The following NSFL1C variants were observed in gnomAD, a reference collection of about 807,000 sequenced individuals.
NSFL1C encodes the protein NSFL1 cofactor, also known as NSFL1 cofactor p47.
Under a neutral mutation model 43.1 loss-of-function variants are expected in NSFL1C, and 14 were observed. The ratio of observed to expected loss-of-function variants is 0.32; its 90% CI spans 0.21 to 0.51. NSFL1C has a LOEUF of 0.51. Among genes scored for constraint, NSFL1C ranks in the 20% least tolerant of loss-of-function variants. The pLI, the probability that NSFL1C is intolerant of heterozygous loss-of-function variation, is 0.98. For missense variants in NSFL1C, 406 were observed against 472.5 expected, an observed-to-expected ratio of 0.86 and a Z score of 1.30; for synonymous variants, 171 against 183.5, an observed-to-expected ratio of 0.93 and a Z score of 0.55.
rs186421409 is a variant in NSFL1C, at chr20:1,447,755, A to G, written c.786-1925T>C. Among the ~76,000 whole-genome samples, 259 of 114,414 alleles carry G rather than the reference A, an allele frequency of 2.3e-3. 2 individuals are homozygous for G. In the East Asian group the frequency reaches 0.045, roughly 20 times the overall value. The allele number at this position is 114,414 out of a possible 152,430, so 75.1% of individuals were successfully genotyped here. On this transcript the variant is annotated intron_variant, in intron 7 of 8. Coordinates refer to ENST00000216879, the MANE Select transcript of NSFL1C (RefSeq NM_016143.5). ...AGAAGCTGTTAAGCCAAAATAGCTGATATCAGTTAAGGGGGTGGGGAGCAG... is the reference window on the plus strand; with the variant it reads ...AGAAGCTGTTAAGCCAAAATAGCTGGTATCAGTTAAGGGGGTGGGGAGCAG...
chr20:1,445,880 C>T (rs1261034364), intron 7 of NSFL1C, 50 bp from the exon 8 acceptor site: 1 of 1,587,048 alleles, frequency 6.3e-7, no homozygotes, highest in Non-Finnish European at 8.6e-7. Flanking sequence ...AGGCCCCTAG[C>T]AAGAAGGGAA....
chr20:1,445,979 C>T lies in NSFL1C; in HGVS notation c.786-149G>A, dbSNP rs183185603. ...ATTGACCCAGACAGGGAAAATCGTG[C>T]CCTTATGGAACTTACAGGTCCAGCA... is the stretch of plus-strand genomic sequence containing the variant. On this transcript the variant is annotated intron_variant, in intron 7 of 8. Coordinates refer to ENST00000216879, the MANE Select transcript of NSFL1C (RefSeq NM_016143.5). The T allele has an allele frequency of 1.6e-3, 1,323 of 819,080 alleles. 2 individuals are homozygous for T. Among genetic ancestry groups the T allele is most frequent in the Non-Finnish European group, 2.2e-3 (1,154 of 517,078 alleles). 50.7% of individuals were successfully genotyped at this position (819,080 alleles called of 1,614,324 possible). A position where few individuals can be genotyped will look rare whatever the true frequency, so the allele number is the denominator to read the frequency against.
Position 1,466,717 on chromosome 20 carries a change from T to C in NSFL1C, c.105+3A>G. The C allele has an allele frequency of 6.5e-7, 1 of 1,546,102 alleles. No individual in the cohort carries two copies. The highest frequency in any genetic ancestry group is 8.7e-7 in the Non-Finnish European group (1 of 1,149,810). On this transcript the variant is annotated splice_donor_region_variant and intron_variant, in intron 1 of 8. Transcript: ENST00000216879. ...CCCGACACAGCCCGCCGCGCGGCGCTACCTGCAAGTCCCAGCCGGCCGACT... is the reference window on the plus strand; with the variant it reads ...CCCGACACAGCCCGCCGCGCGGCGCCACCTGCAAGTCCCAGCCGGCCGACT...
chr20:1,459,037 G>A (rs898032860), intron 2 of NSFL1C, among the ~76,000 whole-genome samples: 1 of 152,120 alleles, frequency 6.6e-6, no homozygotes, highest in African/African-American at 2.4e-5. Context: ...CTGTCCTCAA[G>A]GAACAAGCTT....
chr20:1,445,755 G>A lies in NSFL1C; in HGVS notation c.861C>T (p.Ile287=). 6.2e-7 allele frequency: 1 copy of A among 1,614,070 alleles called. No homozygotes were observed. Among genetic ancestry groups the A allele is most frequent in the Non-Finnish European group, 8.5e-7 (1 of 1,179,972 alleles). Residue 287 remains isoleucine, a synonymous_variant, in exon 8 of 9, where the codon ATC becomes ATT. Coordinates refer to ENST00000216879, the MANE Select transcript of NSFL1C (RefSeq NM_016143.5). ...AENEAKASSS[I]LIDESEPTTN... ...TGGTAGGCTCTGATTCGTCGATTAA[G>A]ATGGAAGAGCTGGCTTTGGCTTCAT...
chr20:1,463,049 T>C (rs990887224), intron 2 of NSFL1C, among the ~76,000 whole-genome samples: 2 of 152,202 alleles, frequency 1.3e-5, no homozygotes, highest in African/African-American at 4.8e-5. Flanking sequence ...TTAAGTAACC[T>C]GCCCAAGGTC....
intron 8 of NSFL1C, 54 bp downstream of exon 8, chr20:1,445,612 C>G: frequency 6.3e-7 from 1 of 1,577,448 alleles, no homozygotes; most frequent in Non-Finnish European, 8.7e-7. Flanking sequence ...CACACATTTG[C>G]GTGAGGCCCA....
chr20:1,464,519 C>G (rs552608881), intron 1 of NSFL1C, 93 bp from the exon 2 acceptor site: 1 of 1,009,850 alleles, frequency 9.9e-7, no homozygotes, highest in Non-Finnish European at 1.5e-6. Flanking sequence ...ACATGGCCAA[C>G]ACTTACAAGG....
chr20:1,446,406 GGA>G (rs911666553), intron 7 of NSFL1C, among the ~76,000 whole-genome samples: 21 of 152,238 alleles, frequency 1.4e-4, no homozygotes, highest in Non-Finnish European at 2.9e-4. Context: ...TGAGGGCAGG[GGA>G]GAGAGTTCTA....
chr20:1,445,875 C>T (rs760479343), intron 7 of NSFL1C, 45 bp from the exon 8 acceptor site: 1 of 1,597,916 alleles, frequency 6.3e-7, no homozygotes, highest in Non-Finnish European at 8.6e-7. Flanking sequence ...AAACAAGGCC[C>T]CTAGCAAGAA....
intron 3 of NSFL1C, chr20:1,455,647 T>G: frequency 1.3e-6 from 1 of 779,570 alleles, no homozygotes; most frequent in South Asian, 1.3e-5. Flanking sequence ...GGTAAGCCAG[T>G]GCACTACTCT....
chr20:1,454,795 A>C (rs956680604), intron 4 of NSFL1C, among the ~76,000 whole-genome samples, 172 bp downstream of exon 4: 7 of 152,188 alleles, frequency 4.6e-5, no homozygotes, highest in Non-Finnish European at 1.0e-4. Flanking sequence ...CTCTGCCCCA[A>C]ATCTTGGTTT....
Position 1,455,011 on chromosome 20 carries a change from C to A in NSFL1C, c.400G>T (p.Val134Leu), listed in dbSNP as rs150567782. Residue 134 changes from valine (V) to leucine (L), a missense_variant, in exon 4 of 9, where the codon GTG becomes TTG. Coordinates refer to ENST00000216879, the MANE Select transcript of NSFL1C (RefSeq NM_016143.5). ...CCAGGGCTCTTGGTCACTCGCTCCA[C>A]AGCTACAGCTCCATGCTCTTTGGCA... ...KGAKEHGAVAVERVTKSPGET... is the reference protein window; with the variant it reads ...KGAKEHGAVALERVTKSPGET... 1 of 1,614,162 alleles carries A rather than the reference C, an allele frequency of 6.2e-7. No homozygotes were observed. Among genetic ancestry groups the A allele is most frequent in the Non-Finnish European group, 8.5e-7 (1 of 1,180,038 alleles).
At position 1,446,149 on chromosome 20, in the gene NSFL1C, C is replaced by T. The variant is rs1259909000; in HGVS notation, c.786-319G>A. The T allele has an allele frequency of 1.5e-5, 7 of 463,730 alleles. No homozygotes were observed. In the East Asian group the frequency reaches 3.4e-4, roughly 23 times the overall value. The allele number at this position is 463,730 out of a possible 1,614,324, so 28.7% of individuals were successfully genotyped here. A position where few individuals can be genotyped will look rare whatever the true frequency, so the allele number is the denominator to read the frequency against. On this transcript the variant is annotated intron_variant, in intron 7 of 8. Coordinates refer to ENST00000216879, the MANE Select transcript of NSFL1C (RefSeq NM_016143.5). ...GCTTGAAGGGAGGAAAGCAGGACAGCCTAGGGTGGGAGAGACAGGGTCATA... is the reference window on the plus strand; with the variant it reads ...GCTTGAAGGGAGGAAAGCAGGACAGTCTAGGGTGGGAGAGACAGGGTCATA...
intron 2 of NSFL1C, chr20:1,463,535 T>A (rs2090454898): frequency 6.6e-6 from 1 of 152,234 alleles, no homozygotes; most frequent in Non-Finnish European, 1.5e-5. Context: ...CTCAGTTGCC[T>A]TTAGAGAGAA....
At chr20:1,460,844 C>T (rs993994730) in intron 2 of NSFL1C, among the ~76,000 whole-genome samples, 5 of 152,128 alleles carry the variant, frequency 3.3e-5, no homozygotes, top group East Asian at 1.9e-4. Flanking sequence ...TCGTAGTTCC[C>T]GGAAGTTTAA....
chr20:1,454,866 GA>G (rs1279534224), intron 4 of NSFL1C, 100 bp downstream of exon 4: 1 of 1,304,406 alleles, frequency 7.7e-7, no homozygotes, highest in Non-Finnish European at 1.1e-6. Context: ...GTAAGCAAAT[GA>G]AAAAAAGAAA....
At chr20:1,461,759 T>C (rs2090416601) in intron 2 of NSFL1C, among the ~76,000 whole-genome samples, 1 of 152,168 alleles carries the variant, frequency 6.6e-6, no homozygotes, top group African/African-American at 2.4e-5. Flanking sequence ...AAAATAGGAA[T>C]AGTACTAACC....
chr20:1,449,973 C>T lies in NSFL1C; in HGVS notation c.785+2520G>A, dbSNP rs1042956537. Among the ~76,000 whole-genome samples, 6 of 152,252 alleles carry T rather than the reference C, an allele frequency of 3.9e-5. 1 individual carries two copies. In the South Asian group the frequency reaches 8.3e-4, roughly 21 times the overall value. ...CAAACTAACGTAAAACCTAAAACAA[C>T]AACAAAATTCTCCGGTTTCTCTTCA... On this transcript the variant is annotated intron_variant, in intron 7 of 8. Coordinates refer to ENST00000216879, the MANE Select transcript of NSFL1C (RefSeq NM_016143.5).
Sources: gnomAD v4.1 joint callset for allele counts (sites outside exome capture counted in the v4.1 genomes callset) on GRCh38, gnomAD v4.1.1 for gene constraint, MANE v1.5 for transcripts, NCBI Gene and HGNC (gene_info 2026-07-23, HGNC 2026-07-21) for gene names.